SLC25A18: variants seen among roughly 807,000 people sequenced by gnomAD.
The protein encoded by SLC25A18 is mitochondrial glutamate carrier 2.
A neutral mutation model predicts 31.1 loss-of-function variants in SLC25A18; 24 were observed. That is an observed-to-expected ratio of 0.77 (90% confidence interval 0.56 to 1.08). The LOEUF is 1.08. Ranked by LOEUF, SLC25A18 falls within the 50% of genes least tolerant of loss-of-function variation. The probability of loss-of-function intolerance (pLI) is 0.00; values close to 1 mark genes in which losing one functional copy is unlikely to be tolerated. For synonymous variants in SLC25A18, 173 were observed against 161.9 expected, an observed-to-expected ratio of 1.07 and a Z score of -0.52; for missense variants, 371 against 418.5, an observed-to-expected ratio of 0.89 and a Z score of 0.99.
intron 9 of SLC25A18, 85 bp downstream of exon 9, chr22:17,588,164 T>G (rs2057608478): frequency 6.6e-7 from 1 of 1,523,396 alleles, no homozygotes; most frequent in African/African-American, 1.4e-5. Context: ...CTGGAAGCCA[T>G]ACTGGGTTGC....
chr22:17,563,694 C>T lies in SLC25A18; in HGVS notation c.-283C>T, dbSNP rs1007973986. 6.1e-6 allele frequency: 6 copies of T among 985,256 alleles called. No homozygotes were observed. The highest frequency in any genetic ancestry group is 7.2e-6 in the Non-Finnish European group (6 of 829,932). The allele number at this position is 985,256 out of a possible 1,614,324, so 61.0% of individuals were successfully genotyped here. The stretch of plus-strand genomic sequence containing the variant: ...TCAACAACTGAGATGAACGTCGACT[C>T]GCTTGCAGGCAAGTTGTCAGTAAGT... On this transcript the variant is annotated 5_prime_UTR_variant, in exon 1 of 11. Coordinates refer to ENST00000327451, the MANE Select transcript of SLC25A18 (RefSeq NM_031481.3).
chr22:17,576,576 T>C (rs1423587285), intron 2 of SLC25A18, among the ~76,000 whole-genome samples: 1 of 152,114 alleles, frequency 6.6e-6, no homozygotes, highest in Non-Finnish European at 1.5e-5. Flanking sequence ...GGTGCCAGGT[T>C]TGGGGTTTTC....
intron 7 of SLC25A18, among the ~76,000 whole-genome samples, chr22:17,583,888 G>C (rs1461239661): frequency 6.6e-6 from 1 of 151,798 alleles, no homozygotes; most frequent in Non-Finnish European, 1.5e-5. Flanking sequence ...AGGTTGCTGT[G>C]AGCTGAGATT....
chr22:17,585,725 T>C (rs1349599836), intron 7 of SLC25A18, among the ~76,000 whole-genome samples: 11 of 151,014 alleles, frequency 7.3e-5, no homozygotes, highest in Non-Finnish European at 1.3e-4. Context: ...CTTGGCTCAC[T>C]ACAACCTCTG....
In SLC25A18 at chr22:17,579,817, C is replaced by CGTGCTCT. The variant is rs2057325744; in HGVS notation, c.-125_-119dup. 2 of 1,458,396 alleles carry CGTGCTCT rather than the reference C, an allele frequency of 1.4e-6. No homozygotes were observed. Among genetic ancestry groups the CGTGCTCT allele is most frequent in the Admixed American group, 5.1e-5 (2 of 39,110 alleles). 90.3% of individuals were successfully genotyped at this position (1,458,396 alleles called of 1,614,324 possible). ...CTCGGGCCAGGCTGCACTCAAAACC[C>CGTGCTCT]GTGCTCTGTCCACACTGCTACGGGG... On this transcript the variant is annotated 5_prime_UTR_variant, in exon 3 of 11. Coordinates refer to ENST00000327451, the MANE Select transcript of SLC25A18 (RefSeq NM_031481.3).
In SLC25A18 at chr22:17,587,154, C is replaced by G. The variant is rs780090090; in HGVS notation, c.428C>G (p.Ser143Trp). ...CTTCCAGCCGTCCATCATCAGGGCTCGGCCTCAGCACCCTCCACCTCCAGG... is the reference window on the plus strand; with the variant it reads ...CTTCCAGCCGTCCATCATCAGGGCTGGGCCTCAGCACCCTCCACCTCCAGG... ...AGRLAVHHQG[S>W]ASAPSTSRSY... The change falls in exon 8 of 11, where the codon TCG becomes TGG. Residue 143 changes from serine (S) to tryptophan (W), a missense_variant. Ser to Trp is a radical substitution (Grantham distance 177, BLOSUM62 -3). Coordinates refer to ENST00000327451, the MANE Select transcript of SLC25A18 (RefSeq NM_031481.3). 19 of 1,613,874 alleles carry G rather than the reference C, an allele frequency of 1.2e-5. No homozygotes were observed. Among genetic ancestry groups the G allele is most frequent in the Middle Eastern group, 1.6e-4 (1 of 6,080 alleles).
At chr22:17,577,188 A>G (rs1314177597) in intron 2 of SLC25A18, among the ~76,000 whole-genome samples, 1 of 151,086 alleles carries the variant, frequency 6.6e-6, no homozygotes, top group Non-Finnish European at 1.5e-5. Flanking sequence ...ACACCCGGCC[A>G]ATTTTTTGTA....
Position 17,569,930 on chromosome 22 carries a change from A to G in SLC25A18, c.-257A>G. On this transcript the variant is annotated 5_prime_UTR_variant, in exon 2 of 11. Transcript: ENST00000327451. The stretch of plus-strand genomic sequence containing the variant: ...AAGCCACCTCTCCCTGCAGCTCAGC[A>G]GCGATCTGAACTATATCCTGGGTTC... 1 of 985,552 alleles carries G rather than the reference A, an allele frequency of 1.0e-6. No homozygotes were observed. The highest frequency in any genetic ancestry group is 1.2e-6 in the Non-Finnish European group (1 of 830,018). 61.1% of individuals were successfully genotyped at this position (985,552 alleles called of 1,614,324 possible).
At position 17,583,264 on chromosome 22, in the gene SLC25A18, AC is replaced by A. The variant is rs571586904; in HGVS notation, c.291-150del. On this transcript the variant is annotated intron_variant, in intron 6 of 10. Transcript: ENST00000327451. ...AACTTAGTCCCCTGTCCGTACAGAG[AC>A]CACACCTAAGGGCTAGCTGATGACT... 374 of 883,520 alleles carry A rather than the reference AC, an allele frequency of 4.2e-4. 1 individual carries two copies. The African/African-American group carries it at 5.8e-3, about 14-fold the overall frequency. 54.7% of individuals were successfully genotyped at this position (883,520 alleles called of 1,614,324 possible). A position where few individuals can be genotyped will look rare whatever the true frequency, so the allele number is the denominator to read the frequency against.
chr22:17,590,227 T>C lies in SLC25A18; in HGVS notation c.939T>C (p.Cys313=). 3 of 1,614,200 alleles carry C rather than the reference T, an allele frequency of 1.9e-6. No homozygotes were observed. The highest frequency in any genetic ancestry group is 2.2e-5 in the East Asian group (1 of 44,870). Residue 313 remains cysteine, a synonymous_variant, in exon 11 of 11, where the codon TGT becomes TGC. Transcript: ENST00000327451. Reference sequence around the variant, plus strand: ...GGATTGGAGAGCGCATCTTAAAGTGTTTTGACTAGACAGAGCTGGAGGTCA... The same window carrying C: ...GGATTGGAGAGCGCATCTTAAAGTGCTTTGACTAGACAGAGCTGGAGGTCA... The part of the protein sequence containing the change: ...FIGIGERILK[C]FD
At chr22:17,578,515 G>GGGGA (rs2057289499) in intron 2 of SLC25A18, among the ~76,000 whole-genome samples, 1 of 152,166 alleles carries the variant, frequency 6.6e-6, no homozygotes, top group South Asian at 2.1e-4. Flanking sequence ...CAGGAGAGCT[G>GGGGA]GGGACCCTAA....
rs111422995 is a variant in SLC25A18, at chr22:17,574,079, A to T, written c.-201+4093A>T. 5.1e-3 allele frequency among the ~76,000 whole-genome samples: 778 copies of T among 152,192 alleles called. 8 individuals are homozygous for T. Among genetic ancestry groups the T allele is most frequent in the African/African-American group, 0.017 (707 of 41,526 alleles). ...ACCCATCTCTACAAAAATTTTTTTT[A>T]AAAAAATAGCCTGACATGGTGTCAT... On this transcript the variant is annotated intron_variant, in intron 2 of 10. Coordinates refer to ENST00000327451, the MANE Select transcript of SLC25A18 (RefSeq NM_031481.3).
intron 2 of SLC25A18, among the ~76,000 whole-genome samples, chr22:17,577,974 GCTT>G (rs202127403): frequency 0.036 from 5,214 of 144,770 alleles, 320 homozygotes; most frequent in African/African-American, 0.13. Context: ...ACTGCGCCCT[GCTT>G]CTTTTTTTTT....
At chr22:17,572,876 C>CAA (rs2057134911) in intron 2 of SLC25A18, among the ~76,000 whole-genome samples, 1 of 151,940 alleles carries the variant, frequency 6.6e-6, no homozygotes, top group East Asian at 1.9e-4. Flanking sequence ...CTCCTGACCT[C>CAA]GTGATCCGCC....
chr22:17,580,396 G>A (rs777041645), intron 3 of SLC25A18: 9 of 373,230 alleles, frequency 2.4e-5, no homozygotes, highest in Admixed American at 6.3e-5. Context: ...TCTATTTCCC[G>A]TCTTCCAAAG....
chr22:17,565,166 G>A (rs2056902870), intron 1 of SLC25A18, among the ~76,000 whole-genome samples: 1 of 151,644 alleles, frequency 6.6e-6, no homozygotes, highest in Non-Finnish European at 1.5e-5. Context: ...TGTAAACTCC[G>A]CCCCCCCGGG....
chr22:17,581,684 G>A, intron 5 of SLC25A18: 2 of 493,612 alleles, frequency 4.1e-6, no homozygotes, highest in Non-Finnish European at 7.3e-6. Flanking sequence ...GGCTAGAAGC[G>A]AAGAGAGAGA....
In SLC25A18 at chr22:17,569,933, G is replaced by A. The variant is rs986372262; in HGVS notation, c.-254G>A. 31 of 985,354 alleles carry A rather than the reference G, an allele frequency of 3.1e-5. No homozygotes were observed. The African/African-American group carries it at 4.7e-4, about 15-fold the overall frequency. The allele number at this position is 985,354 out of a possible 1,614,324, so 61.0% of individuals were successfully genotyped here. ...CCACCTCTCCCTGCAGCTCAGCAGC[G>A]ATCTGAACTATATCCTGGGTTCCAG... On this transcript the variant is annotated 5_prime_UTR_variant, in exon 2 of 11. Transcript: ENST00000327451.
intron 1 of SLC25A18, among the ~76,000 whole-genome samples, chr22:17,565,229 T>C (rs1229800008): frequency 2.0e-5 from 3 of 151,998 alleles, no homozygotes; most frequent in Non-Finnish European, 2.9e-5. Context: ...TACAGGTGCC[T>C]GCCACTATAC....
Sources: gnomAD v4.1 joint callset for allele counts (sites outside exome capture counted in the v4.1 genomes callset) on GRCh38, gnomAD v4.1.1 for gene constraint, MANE v1.5 for transcripts, NCBI Gene and HGNC (gene_info 2026-07-23, HGNC 2026-07-21) for gene names.